GTF2IRD1: variants seen among roughly 807,000 people sequenced by gnomAD.
GTF2IRD1 encodes the protein GTF2I repeat domain containing 1, also known as general transcription factor II-I repeat domain-containing protein 1.
GTF2IRD1 carries 26 observed loss-of-function variants against 113.2 expected under a neutral mutation model. The ratio of observed to expected loss-of-function variants is 0.23; its 90% CI spans 0.17 to 0.32. GTF2IRD1 has a LOEUF of 0.32. Among genes scored for constraint, GTF2IRD1 ranks in the 10% least tolerant of loss-of-function variants. The pLI is 1.00. For synonymous variants in GTF2IRD1, 484 were observed against 529.1 expected, an observed-to-expected ratio of 0.91 and a Z score of 1.17; for missense variants, 864 against 1,280.8, an observed-to-expected ratio of 0.67 and a Z score of 4.97.
At chr7:74,568,579 C>T (rs1385349549) in intron 22 of GTF2IRD1, among the ~76,000 whole-genome samples, 3 of 152,036 alleles carry the variant, frequency 2.0e-5, no homozygotes, top group East Asian at 1.9e-4. Flanking sequence ...ACCCGGGAGG[C>T]GGAACTTGCA....
Position 74,476,697 on chromosome 7 carries a change from C to T in GTF2IRD1, c.-7+22521C>T, listed in dbSNP as rs1002480397. Among the ~76,000 whole-genome samples, 9 of 152,272 alleles carry T rather than the reference C, an allele frequency of 5.9e-5. No homozygotes were observed. In the East Asian group the frequency reaches 1.7e-3, roughly 29 times the overall value. On this transcript the variant is annotated intron_variant, in intron 1 of 26. Coordinates refer to ENST00000424337, the MANE Select transcript of GTF2IRD1 (RefSeq NM_005685.4). Reference sequence around the variant, plus strand: ...CCAAGCTGACCTTGGCCCCAGTCTTCCCCACTGAACAGCCACCCAGCCTTT... The same window carrying T: ...CCAAGCTGACCTTGGCCCCAGTCTTTCCCACTGAACAGCCACCCAGCCTTT...
intron 14 of GTF2IRD1, among the ~76,000 whole-genome samples, chr7:74,542,855 C>A (rs1336539360): frequency 6.6e-6 from 1 of 152,202 alleles, no homozygotes; most frequent in Non-Finnish European, 1.5e-5. Context: ...GGGTTGGGGG[C>A]CTTGGATGAG....
chr7:74,467,208 C>G (rs778687878), intron 1 of GTF2IRD1, among the ~76,000 whole-genome samples: 1 of 152,112 alleles, frequency 6.6e-6, no homozygotes, highest in East Asian at 1.9e-4. Context: ...CTCAGCCTCC[C>G]AAAATGCTGG....
rs1554343398 is a variant in GTF2IRD1, at chr7:74,512,865, C to A, written c.159C>A (p.Ala53=). 6.2e-7 allele frequency: 1 copy of A among 1,614,100 alleles called. No individual in the cohort carries two copies. Among genetic ancestry groups the A allele is most frequent in the Non-Finnish European group, 8.5e-7 (1 of 1,179,970 alleles). ...SALSKLNAEV[A]CVAVHDESAF... ...TGTCCAAACTGAACGCCGAGGTGGC[C>A]TGTGTCGCCGTGCACGATGAGAGCG... is the stretch of plus-strand genomic sequence containing the variant. The change falls in exon 3 of 27, where the codon GCC becomes GCA. Residue 53 remains alanine, a synonymous_variant. Coordinates refer to ENST00000424337, the MANE Select transcript of GTF2IRD1 (RefSeq NM_005685.4). The surrounding 1 kb of genome is among the most constrained non-coding windows in gnomAD (Gnocchi z 4.4).
At chr7:74,509,634 C>T (rs565959272) in intron 2 of GTF2IRD1, among the ~76,000 whole-genome samples, 1 of 152,150 alleles carries the variant, frequency 6.6e-6, no homozygotes, top group Admixed American at 6.6e-5. Context: ...AGGGTAGTAC[C>T]TTGCCCAAAG....
At chr7:74,510,713 T>A (rs1226191981) in intron 2 of GTF2IRD1, among the ~76,000 whole-genome samples, 1 of 152,122 alleles carries the variant, frequency 6.6e-6, no homozygotes, top group Non-Finnish European at 1.5e-5. Flanking sequence ...TGTCTATGGA[T>A]TGGACAGTGC....
chr7:74,584,540 T>A (rs1801607939), intron 22 of GTF2IRD1, among the ~76,000 whole-genome samples: 1 of 152,058 alleles, frequency 6.6e-6, no homozygotes, highest in South Asian at 2.1e-4. Flanking sequence ...GTAAATAGAG[T>A]AGAGGAAGTC....
chr7:74,454,055 C>A lies in GTF2IRD1; in HGVS notation c.-128C>A. 1 of 151,084 alleles carries A rather than the reference C, an allele frequency of 6.6e-6. No individual in the cohort carries two copies. Among genetic ancestry groups the A allele is most frequent in the South Asian group, 2.0e-4 (1 of 5,014 alleles). The allele number at this position is 151,084 out of a possible 1,614,324, so 9.4% of individuals were successfully genotyped here. On this transcript the variant is annotated 5_prime_UTR_variant, in exon 1 of 27. Transcript: ENST00000424337. ...CCTCGCCGCGCCGCCGTCCTCGCCTCCCTCTGCCTCTCCTTCCCCCATTCT... is the reference window on the plus strand; with the variant it reads ...CCTCGCCGCGCCGCCGTCCTCGCCTACCTCTGCCTCTCCTTCCCCCATTCT...
intron 1 of GTF2IRD1, among the ~76,000 whole-genome samples, chr7:74,459,888 A>C (rs1554328616): frequency 6.6e-6 from 1 of 150,746 alleles, no homozygotes; most frequent in Non-Finnish European, 1.5e-5. Context: ...CTGACCCTGG[A>C]GTTGGGATCA....
Position 74,535,125 on chromosome 7 carries a change from G to A in GTF2IRD1, c.1287G>A (p.Glu429=), listed in dbSNP as rs1676077215. 6.2e-7 allele frequency: 1 copy of A among 1,613,344 alleles called. No individual in the cohort carries two copies. Among genetic ancestry groups the A allele is most frequent in the African/African-American group, 1.3e-5 (1 of 75,024 alleles). The part of the protein sequence containing the change: ...IHFIIKRMFD[E]RIFTGNKFTK... ...CTTCTCTCCCCAGGATGTTTGATGAGCGAATTTTCACAGGTATGTGGGGAC... is the reference window on the plus strand; with the variant it reads ...CTTCTCTCCCCAGGATGTTTGATGAACGAATTTTCACAGGTATGTGGGGAC... The change falls in exon 10 of 27, where the codon GAG becomes GAA. Residue 429 remains glutamate (E), a synonymous_variant. Coordinates refer to ENST00000424337, the MANE Select transcript of GTF2IRD1 (RefSeq NM_005685.4).
intron 22 of GTF2IRD1, among the ~76,000 whole-genome samples, chr7:74,566,571 A>G (rs1800331112): frequency 6.6e-6 from 1 of 152,066 alleles, no homozygotes; most frequent in Non-Finnish European, 1.5e-5. Context: ...CGAACTCCTG[A>G]CCTCAGGCGA....
chr7:74,569,959 G>A (rs1800592153), intron 22 of GTF2IRD1, among the ~76,000 whole-genome samples: 1 of 152,154 alleles, frequency 6.6e-6, no homozygotes, highest in Admixed American at 6.6e-5. Context: ...ACCTGCCCGG[G>A]GCATCGGAGG....
rs782061282 is a variant in GTF2IRD1, at chr7:74,538,597, A to C, written c.1448-83A>C. 1.9e-4 allele frequency: 167 copies of C among 867,030 alleles called. 2 individuals carry two copies. Among genetic ancestry groups the C allele is most frequent in the Admixed American group, 2.7e-4 (16 of 59,100 alleles). 53.7% of individuals were successfully genotyped at this position (867,030 alleles called of 1,614,324 possible). A position where few individuals can be genotyped will look rare whatever the true frequency, so the allele number is the denominator to read the frequency against. On this transcript the variant is annotated intron_variant, in intron 12 of 26. Coordinates refer to ENST00000424337, the MANE Select transcript of GTF2IRD1 (RefSeq NM_005685.4). ...GTAGGGCCTCACTAACAAGTTACAG[A>C]CACCAGAATGTTCTGGAAAGAGTCA...
chr7:74,586,275 TG>T (rs1174879663), intron 22 of GTF2IRD1, among the ~76,000 whole-genome samples: 2 of 152,158 alleles, frequency 1.3e-5, no homozygotes, highest in East Asian at 3.9e-4. Flanking sequence ...TGCATGGATT[TG>T]GACAAGGGTG....
At chr7:74,535,755 G>C (rs1486553037) in intron 10 of GTF2IRD1, among the ~76,000 whole-genome samples, 1 of 152,228 alleles carries the variant, frequency 6.6e-6, no homozygotes, top group Non-Finnish European at 1.5e-5. Context: ...ACGTCTGTGA[G>C]ATGAGGATAA....
intron 1 of GTF2IRD1, among the ~76,000 whole-genome samples, chr7:74,481,594 C>T (rs781947718): frequency 1.3e-5 from 2 of 152,154 alleles, no homozygotes; most frequent in Non-Finnish European, 2.9e-5. Context: ...CTGAGATGCA[C>T]GGTCTGGAGT....
At chr7:74,575,636 T>A (rs923952136) in intron 22 of GTF2IRD1, among the ~76,000 whole-genome samples, 9 of 152,154 alleles carry the variant, frequency 5.9e-5, no homozygotes, top group African/African-American at 2.2e-4. Flanking sequence ...TGTGCTGATA[T>A]AAGCTGTGAG....
intron 20 of GTF2IRD1, among the ~76,000 whole-genome samples, chr7:74,558,194 G>A (rs1472423044): frequency 5.3e-5 from 8 of 150,588 alleles, no homozygotes; most frequent in African/African-American, 1.2e-4. Flanking sequence ...CAGGAGAATC[G>A]CTTGAGCCTG....
At chr7:74,516,626 G>A (rs1444796876) in intron 4 of GTF2IRD1, among the ~76,000 whole-genome samples, 1 of 152,188 alleles carries the variant, frequency 6.6e-6, no homozygotes, top group South Asian at 2.1e-4. Flanking sequence ...AAAGGTCTGT[G>A]AGGAAACTTC....
Sources: allele counts gnomAD v4.1 joint callset (sites outside exome capture counted in the v4.1 genomes callset), GRCh38; gene constraint gnomAD v4.1.1; non-coding constraint Gnocchi (gnomAD v3.1); transcripts MANE v1.5; gene names NCBI Gene and HGNC (gene_info 2026-07-23, HGNC 2026-07-21).